Variants in SPHKAP observed in about 807,000 individuals in gnomAD.
SPHKAP encodes the protein SPHK1 interactor, AKAP domain containing, also known as A-kinase anchor protein SPHKAP.
In SPHKAP, 67 loss-of-function variants were observed where a neutral mutation model predicts 137.5. The observed-to-expected ratio is 0.49, with a 90% confidence interval of 0.40 to 0.60. The LOEUF (loss-of-function observed/expected upper bound fraction) is 0.60. Among genes scored for constraint, SPHKAP ranks in the 20% least tolerant of loss-of-function variants. The pLI is 0.00. For synonymous variants in SPHKAP, 813 were observed against 785.3 expected, an observed-to-expected ratio of 1.04 and a Z score of -0.59; for missense variants, 2,097 against 2,069.3, an observed-to-expected ratio of 1.01 and a Z score of -0.26.
chr2:228,012,368 T>C (rs1694420833), intron 7 of SPHKAP, among the ~76,000 whole-genome samples: 1 of 151,970 alleles, frequency 6.6e-6, no homozygotes, highest in Non-Finnish European at 1.5e-5. Flanking sequence ...TGATTCATAG[T>C]GGGAACATTT....
chr2:228,160,726 T>G (rs1039527427), intron 1 of SPHKAP, among the ~76,000 whole-genome samples: 1 of 152,160 alleles, frequency 6.6e-6, no homozygotes, highest in African/African-American at 2.4e-5. Context: ...AATGACTGCT[T>G]TTAGGTGAAC....
In SPHKAP at chr2:228,016,633, C is replaced by T. The variant is rs151068684; in HGVS notation, c.4221G>A (p.Ser1407=). Residue 1407 remains serine, a synonymous_variant, in exon 7 of 12, where the codon TCG becomes TCA. Coordinates refer to ENST00000392056, the MANE Select transcript of SPHKAP (RefSeq NM_001142644.2). ...SPLDSKKETS[S]CQDPVPINHK... The stretch of plus-strand genomic sequence containing the variant: ...GGTTTATTGGTACAGGGTCCTGGCA[C>T]GAGGAAGTTTCTTTTTTAGAATCTA... 33 of 1,613,362 alleles carry T rather than the reference C, an allele frequency of 2.0e-5. 1 individual carries two copies. Among genetic ancestry groups the T allele is most frequent in the South Asian group, 1.4e-4 (13 of 91,016 alleles).
chr2:227,996,560 T>C (rs2106169930), intron 7 of SPHKAP, among the ~76,000 whole-genome samples: 1 of 152,310 alleles, frequency 6.6e-6, no homozygotes, highest in Non-Finnish European at 1.5e-5. Context: ...TCTGTGAAAA[T>C]AGCTTCCAAG....
chr2:228,032,061 T>G (rs1165581677), intron 3 of SPHKAP, among the ~76,000 whole-genome samples: 1 of 151,952 alleles, frequency 6.6e-6, no homozygotes. Context: ...AGAGAAGAAG[T>G]CTTCAGACGA....
chr2:227,999,479 C>G (rs1693766787), intron 7 of SPHKAP, among the ~76,000 whole-genome samples: 1 of 152,146 alleles, frequency 6.6e-6, no homozygotes, highest in South Asian at 2.1e-4. Context: ...ATTCCCAAAC[C>G]ATTCACTTGC....
intron 3 of SPHKAP, among the ~76,000 whole-genome samples, chr2:228,064,747 G>A (rs959394096): frequency 7.9e-5 from 12 of 152,200 alleles, no homozygotes; most frequent in African/African-American, 2.9e-4. Context: ...TAAGAGAACT[G>A]ATAAAGAACA....
chr2:228,035,725 C>G (rs1348892961), intron 3 of SPHKAP, among the ~76,000 whole-genome samples: 1 of 152,066 alleles, frequency 6.6e-6, no homozygotes, highest in African/African-American at 2.4e-5. Context: ...AGAAATAATG[C>G]CACATATCTA....
chr2:228,078,120 C>T (rs1697242132), intron 3 of SPHKAP, among the ~76,000 whole-genome samples: 1 of 152,156 alleles, frequency 6.6e-6, no homozygotes, highest in Admixed American at 6.5e-5. Context: ...CCAATAAACC[C>T]TTTTTCCTAC....
chr2:228,021,139 CTG>C (rs1574759774), intron 6 of SPHKAP, among the ~76,000 whole-genome samples: 1 of 152,344 alleles, frequency 6.6e-6, no homozygotes, highest in East Asian at 1.9e-4. Context: ...TCATTGAGCT[CTG>C]TGAATGGGTC....
In SPHKAP at chr2:228,067,335, G is replaced by A. The variant is rs527706649; in HGVS notation, c.247-39792C>T. 2.0e-5 allele frequency among the ~76,000 whole-genome samples: 3 copies of A among 152,252 alleles called. No individual in the cohort carries two copies. In the South Asian group the frequency reaches 6.2e-4, roughly 32 times the overall value. ...ATCTATTTTAAAAAAATTATGCAAT[G>A]AAAGAAAACTAATAAAATCTCAATA... On this transcript the variant is annotated intron_variant, in intron 3 of 11. Transcript: ENST00000392056.
At chr2:228,056,466 G>A (rs543793914) in intron 3 of SPHKAP, among the ~76,000 whole-genome samples, 1 of 152,134 alleles carries the variant, frequency 6.6e-6, no homozygotes, top group African/African-American at 2.4e-5. Context: ...GGCATAACCT[G>A]GAGGTACCTG....
rs1268903611 is a variant in SPHKAP at position 228,181,376 on chromosome 2, G to A, written c.32+191C>T. ...GCCCCACTCAGCATCGCGCCCTGTGGGGCAGTTGACAGGGTCCCCTGTAGC... is the reference window on the plus strand; with the variant it reads ...GCCCCACTCAGCATCGCGCCCTGTGAGGCAGTTGACAGGGTCCCCTGTAGC... On this transcript the variant is annotated intron_variant, in intron 1 of 11. Transcript: ENST00000392056. The surrounding 1 kb of genome is among the most constrained non-coding windows in gnomAD (Gnocchi z 4.3). Among the ~76,000 whole-genome samples, 2 of 152,148 alleles carry A rather than the reference G, an allele frequency of 1.3e-5. No individual in the cohort carries two copies. Among genetic ancestry groups the A allele is most frequent in the Admixed American group, 1.3e-4 (2 of 15,286 alleles).
chr2:227,993,507 A>C (rs1212738023), intron 9 of SPHKAP, 27 bp downstream of exon 9: 2 of 1,568,292 alleles, frequency 1.3e-6, no homozygotes, highest in Non-Finnish European at 1.7e-6. Flanking sequence ...GTGGTCTCAC[A>C]ATCACTGCAT....
intron 2 of SPHKAP, among the ~76,000 whole-genome samples, chr2:228,112,425 C>T (rs1698548419): frequency 6.6e-6 from 1 of 152,098 alleles, no homozygotes; most frequent in Non-Finnish European, 1.5e-5. Flanking sequence ...ATTTAGGACA[C>T]ATAATACCAT....
chr2:228,030,529 AAAAC>A (rs1695259098), intron 3 of SPHKAP, among the ~76,000 whole-genome samples: 4 of 71,582 alleles, frequency 5.6e-5, no homozygotes, highest in East Asian at 3.7e-4. Context: ...AAAAAAAAAA[AAAAC>A]AACAAAAAAC....
At chr2:228,023,401 C>CTCAA (rs1163152252) in intron 5 of SPHKAP, among the ~76,000 whole-genome samples, 4 of 152,320 alleles carry the variant, frequency 2.6e-5, no homozygotes, top group African/African-American at 7.2e-5. Context: ...CCCAGATCTA[C>CTCAA]TCAATCAGAA....
intron 2 of SPHKAP, among the ~76,000 whole-genome samples, chr2:228,129,340 T>C (rs907899180): frequency 2.0e-5 from 3 of 152,198 alleles, no homozygotes; most frequent in Non-Finnish European, 2.9e-5. Context: ...AGTCCAATAA[T>C]GTGAAGTAGA....
intron 2 of SPHKAP, among the ~76,000 whole-genome samples, chr2:228,124,898 G>A (rs1282871742): frequency 2.0e-5 from 3 of 152,112 alleles, no homozygotes; most frequent in African/African-American, 7.2e-5. Context: ...AACATCCGGG[G>A]ACATCCATTC....
At chr2:228,060,087 C>T (rs1257447916) in intron 3 of SPHKAP, among the ~76,000 whole-genome samples, 1 of 152,158 alleles carries the variant, frequency 6.6e-6, no homozygotes, top group African/African-American at 2.4e-5. Context: ...ATAGTCTGTT[C>T]TTTTAACCAC....
Sources: allele counts gnomAD v4.1 joint callset (sites outside exome capture counted in the v4.1 genomes callset), GRCh38; gene constraint gnomAD v4.1.1; non-coding constraint Gnocchi (gnomAD v3.1); transcripts MANE v1.5; gene names NCBI Gene and HGNC (gene_info 2026-07-23, HGNC 2026-07-21).